Variants in KLRG1 observed in about 807,000 individuals in gnomAD.
KLRG1 encodes the protein killer cell lectin-like receptor subfamily G member 1.
KLRG1 carries 16 observed loss-of-function variants against 21.8 expected under a neutral mutation model. The observed-to-expected ratio is 0.73, with a 90% CI of 0.50 to 1.11. KLRG1 has a LOEUF of 1.11. Ranked by LOEUF, KLRG1 falls within the 50% of genes most tolerant of loss-of-function variation. KLRG1 has a pLI of 0.00. For missense variants in KLRG1, 173 were observed against 218.3 expected (o/e 0.79, Z 1.31); for synonymous variants, 69 against 75.9 (o/e 0.91, Z 0.47).
the KLRG1 span, chr12:9,077,762 TG>T: frequency 6.2e-7 from 1 of 1,614,192 alleles, no homozygotes; most frequent in Non-Finnish European, 8.5e-7. Flanking sequence ...CTTCTGCCTC[TG>T]GGAGAGCCAT....
chr12:9,041,710 G>A, the KLRG1 span, among the ~76,000 whole-genome samples: 4 of 152,152 alleles, frequency 2.6e-5, no homozygotes, highest in Non-Finnish European at 5.9e-5. Flanking sequence ...GAGAGTGAGA[G>A]GTCAAGTTAT....
chr12:9,057,733 A>G, the KLRG1 span: 1 of 152,720 alleles, frequency 6.5e-6, no homozygotes, highest in Non-Finnish European at 1.5e-5. Context: ...CCAAGAAAGG[A>G]AGGAGTAATA....
the KLRG1 span, chr12:9,201,461 C>G: frequency 1.3e-6 from 1 of 785,028 alleles, no homozygotes; most frequent in African/African-American, 1.7e-5. Context: ...CTAAATTCAA[C>G]AAGAAACATA....
chr12:8,992,419 C>T lies in KLRG1; in HGVS notation c.187+109C>T, dbSNP rs1946999193. 8 of 720,754 alleles carry T rather than the reference C, an allele frequency of 1.1e-5. No homozygotes were observed. The South Asian group carries it at 1.5e-4, about 13-fold the overall frequency. The allele number at this position is 720,754 out of a possible 1,614,324, so 44.6% of individuals were successfully genotyped here. A position where few individuals can be genotyped will look rare whatever the true frequency, so the allele number is the denominator to read the frequency against. On this transcript the variant is annotated intron_variant, in intron 2 of 4. Transcript: ENST00000356986. ...AAAATAATTCAAACAAAATAACTCT[C>T]CATCTGTATACAGCTATTTCCTGGG...
At chr12:9,153,259 G>C in the KLRG1 span, 4 of 1,614,166 alleles carry the variant, frequency 2.5e-6, no homozygotes, top group Admixed American at 6.7e-5. Context: ...TGTGAATCCT[G>C]AACGGTGACC....
At chr12:9,061,890 G>T in the KLRG1 span, among the ~76,000 whole-genome samples, 1 of 152,056 alleles carries the variant, frequency 6.6e-6, no homozygotes. Context: ...TATTTTCGTA[G>T]CTAGTGTTGG....
chr12:9,204,625 A>C, the KLRG1 span, among the ~76,000 whole-genome samples: 1 of 152,130 alleles, frequency 6.6e-6, no homozygotes, highest in Non-Finnish European at 1.5e-5. Context: ...TTACATGCAC[A>C]ACTCCCTGCT....
the KLRG1 span, among the ~76,000 whole-genome samples, chr12:9,181,655 TA>T: frequency 2.0e-5 from 3 of 152,236 alleles, no homozygotes; most frequent in Non-Finnish European, 4.4e-5. Flanking sequence ...TGACACATGA[TA>T]AGGTAATTCT....
Position 8,983,667 on chromosome 12 carries a change from G to T in KLRG1, c.-155-8539G>T, listed in dbSNP as rs2110191. ...CCATGTGCCTTGGTCTCCTAAAGTGGTGGGATTACAGCCGTGAACCGCCGT... is the reference window on the plus strand; with the variant it reads ...CCATGTGCCTTGGTCTCCTAAAGTGTTGGGATTACAGCCGTGAACCGCCGT... On this transcript the variant is annotated intron_variant, in intron 1 of 4. Coordinates refer to the KLRG1 transcript ENST00000539240. Among the ~76,000 whole-genome samples, 22 of 151,922 alleles carry T rather than the reference G, an allele frequency of 1.4e-4. No individual in the cohort carries two copies. The South Asian group carries it at 4.6e-3, about 32-fold the overall frequency.
the KLRG1 span, among the ~76,000 whole-genome samples, chr12:9,199,555 T>C: frequency 3.3e-5 from 5 of 152,118 alleles, no homozygotes; most frequent in Non-Finnish European, 7.4e-5. Flanking sequence ...AGAGGAAAGA[T>C]TAGGCATAAT....
At chr12:9,024,289 G>A in the KLRG1 span, among the ~76,000 whole-genome samples, 1 of 151,736 alleles carries the variant, frequency 6.6e-6, no homozygotes, top group Non-Finnish European at 1.5e-5. Context: ...AGCCTTCCAA[G>A]GTGCTGGGAT....
chr12:9,106,533 T>C, the KLRG1 span: 1 of 1,599,132 alleles, frequency 6.3e-7, no homozygotes, highest in Non-Finnish European at 8.5e-7. Context: ...TGAAGTTTCA[T>C]TTCATACTCC....
the KLRG1 span, among the ~76,000 whole-genome samples, chr12:9,063,552 C>T: frequency 2.0e-5 from 3 of 152,102 alleles, no homozygotes; most frequent in Non-Finnish European, 2.9e-5. Flanking sequence ...AAAAATTCTA[C>T]GTAATTTTAA....
chr12:9,199,188 T>A, the KLRG1 span, among the ~76,000 whole-genome samples: 1 of 152,208 alleles, frequency 6.6e-6, no homozygotes, highest in African/African-American at 2.4e-5. Context: ...TCTAGTACCC[T>A]TCATAATCAT....
At chr12:8,963,486 T>C (rs1946413590) in intron 1 of KLRG1, among the ~76,000 whole-genome samples, 1 of 152,238 alleles carries the variant, frequency 6.6e-6, no homozygotes, top group South Asian at 2.1e-4. Context: ...GATATTGGTC[T>C]AAGATTCTCT....
the KLRG1 span, among the ~76,000 whole-genome samples, chr12:9,155,713 A>AT: frequency 1.3e-5 from 2 of 152,090 alleles, no homozygotes; most frequent in Non-Finnish European, 2.9e-5. Context: ...CCTCTATGAC[A>AT]TTTTTTCCTT....
the KLRG1 span, among the ~76,000 whole-genome samples, chr12:9,188,047 A>G: frequency 6.6e-6 from 1 of 152,250 alleles, no homozygotes; most frequent in Non-Finnish European, 1.5e-5. Flanking sequence ...AACGTCCTTG[A>G]TGAACATTGA....
the KLRG1 span, chr12:9,208,354 A>T: frequency 6.2e-7 from 1 of 1,607,922 alleles, no homozygotes; most frequent in South Asian, 1.1e-5. Flanking sequence ...TGAGGGATAA[A>T]TCTCAGGGTT....
At chr12:8,980,944 C>T (rs1946745378) in intron 1 of KLRG1, among the ~76,000 whole-genome samples, 1 of 152,174 alleles carries the variant, frequency 6.6e-6, no homozygotes, top group East Asian at 1.9e-4. Context: ...TGTCTTTGAG[C>T]TTTGCCAGCC....
Sources: allele counts gnomAD v4.1 joint callset (sites outside exome capture counted in the v4.1 genomes callset), GRCh38; gene constraint gnomAD v4.1.1; transcripts MANE v1.5; gene names NCBI Gene and HGNC (gene_info 2026-07-23, HGNC 2026-07-21).